E2F3: variants seen among roughly 807,000 people sequenced by gnomAD.
E2F3 encodes E2F transcription factor 3, also known as transcription factor E2F3.
A neutral mutation model predicts 44.4 loss-of-function variants in E2F3; 11 were observed. The ratio of observed to expected loss-of-function variants is 0.25; its 90% confidence interval spans 0.16 to 0.41. The LOEUF (loss-of-function observed/expected upper bound fraction) is 0.41. Among genes scored for constraint, E2F3 ranks in the 10% least tolerant of loss-of-function variants. The probability of loss-of-function intolerance (pLI) is 1.00; values close to 1 mark genes in which losing one functional copy is unlikely to be tolerated. For missense variants in E2F3, 487 were observed against 583.6 expected, an observed-to-expected ratio of 0.83 and a Z score of 1.70; for synonymous variants, 249 against 253.0, an observed-to-expected ratio of 0.98 and a Z score of 0.15.
chr6:20,464,739 G>A (rs1240677992), intron 1 of E2F3, among the ~76,000 whole-genome samples: 1 of 152,174 alleles, frequency 6.6e-6, no homozygotes, highest in Non-Finnish European at 1.5e-5. Context: ...AATGTCCATT[G>A]CATGATAAAG....
chr6:20,481,808 G>A (rs774932560), intron 3 of E2F3, among the ~76,000 whole-genome samples: 18 of 152,042 alleles, frequency 1.2e-4, no homozygotes, highest in Non-Finnish European at 2.4e-4. Flanking sequence ...ATCTGGAAAT[G>A]ATGGCTTATG....
intron 1 of E2F3, among the ~76,000 whole-genome samples, chr6:20,465,119 G>A (rs1761657647): frequency 6.6e-6 from 1 of 152,200 alleles, no homozygotes; most frequent in South Asian, 2.1e-4. Flanking sequence ...AGGAGTCCCA[G>A]GAATTATTCT....
intron 1 of E2F3, among the ~76,000 whole-genome samples, chr6:20,434,940 C>T (rs961484292): frequency 6.6e-6 from 1 of 152,216 alleles, no homozygotes; most frequent in Admixed American, 6.5e-5. Flanking sequence ...CTGCAGGCCT[C>T]AGCAGTGGAG....
At chr6:20,480,472 C>T (rs1762185938) in intron 2 of E2F3, among the ~76,000 whole-genome samples, 1 of 152,162 alleles carries the variant, frequency 6.6e-6, no homozygotes, top group Admixed American at 6.5e-5. Context: ...CAACTAGTCC[C>T]ATTATGTATG....
chr6:20,403,340 C>T (rs1759375009), intron 1 of E2F3, among the ~76,000 whole-genome samples: 1 of 151,984 alleles, frequency 6.6e-6, no homozygotes, highest in Non-Finnish European at 1.5e-5. Flanking sequence ...AGCGGCGGCG[C>T]CCGCGTGGCC....
intron 1 of E2F3, among the ~76,000 whole-genome samples, chr6:20,466,258 G>A (rs1761708006): frequency 6.6e-6 from 1 of 152,030 alleles, no homozygotes; most frequent in South Asian, 2.1e-4. Context: ...GACTACTCAT[G>A]CACACCACCA....
chr6:20,460,094 G>A (rs1406524326), intron 1 of E2F3, among the ~76,000 whole-genome samples: 1 of 152,170 alleles, frequency 6.6e-6, no homozygotes, highest in Middle Eastern at 3.2e-3. Flanking sequence ...CTTTGTCAGT[G>A]TTCATAGAGG....
rs538567059 is a variant in E2F3, at chr6:20,446,891, G to A, written c.394-32955G>A. 9.9e-4 allele frequency among the ~76,000 whole-genome samples: 150 copies of A among 152,120 alleles called. 1 individual carries two copies. Among genetic ancestry groups the A allele is most frequent in the Admixed American group, 2.4e-3 (37 of 15,270 alleles). Reference sequence around the variant, plus strand: ...CCTCTGTATTTTTGATGGGATGGATGGTTCAACATTTAAAGAGAACCTAAA... The same window carrying A: ...CCTCTGTATTTTTGATGGGATGGATAGTTCAACATTTAAAGAGAACCTAAA... On this transcript the variant is annotated intron_variant, in intron 1 of 6. Coordinates refer to ENST00000346618, the MANE Select transcript of E2F3 (RefSeq NM_001949.5).
Position 20,491,336 on chromosome 6 carries a change from C to T in E2F3, c.*906C>T. ...AAGCGGTTTTTGCAAATTCATATTA[C>T]TTAAGCAGAGGGAGAGAACCTCTAC... On this transcript the variant is annotated 3_prime_UTR_variant, in exon 7 of 7. Coordinates refer to ENST00000346618, the MANE Select transcript of E2F3 (RefSeq NM_001949.5). The T allele has an allele frequency of 4.4e-6, 1 of 228,678 alleles. No individual in the cohort carries two copies. The highest frequency in any genetic ancestry group is 6.2e-5 in the East Asian group (1 of 16,076). 14.2% of individuals were successfully genotyped at this position (228,678 alleles called of 1,614,324 possible).
Position 20,482,841 on chromosome 6 carries a change from G to A in E2F3, c.805G>A (p.Glu269Lys). The A allele has an allele frequency of 1.9e-6, 3 of 1,613,752 alleles. No individual in the cohort carries two copies. Among genetic ancestry groups the A allele is most frequent in the South Asian group, 1.1e-5 (1 of 91,060 alleles). ...AAAAGAAGTGACCGAGCTCAGTCAG[G>A]AAGAGAAGAAATTAGATGAACTGAT... ...LSKEVTELSQ[E>K]EKKLDELIQS... The change falls in exon 4 of 7, where the codon GAA becomes AAA. Residue 269 changes from glutamate to lysine, a missense_variant. Physicochemically the swap from Glu to Lys is moderately conservative, Grantham distance 56. Coordinates refer to ENST00000346618, the MANE Select transcript of E2F3 (RefSeq NM_001949.5).
chr6:20,402,671 G>C lies in E2F3; in HGVS notation c.393+46G>C. ...CGTCCCCAGCCCCGGCGGGAGGTGG[G>C]CTCGCACCGCGCGGGGTCGTGGGCG... On this transcript the variant is annotated intron_variant, in intron 1 of 6. Transcript: ENST00000346618. The surrounding 1 kb of genome is among the most constrained non-coding windows in gnomAD (Gnocchi z 5.6). 2 of 1,298,114 alleles carry C rather than the reference G, an allele frequency of 1.5e-6. No homozygotes were observed. Among genetic ancestry groups the C allele is most frequent in the Non-Finnish European group, 1.9e-6 (2 of 1,027,702 alleles). The allele number at this position is 1,298,114 out of a possible 1,614,324, so 80.4% of individuals were successfully genotyped here.
rs766295084 is a variant in E2F3 at position 20,486,791 on chromosome 6, T to A, written c.987T>A (p.Pro329=). 1 of 1,610,214 alleles carries A rather than the reference T, an allele frequency of 6.2e-7. No homozygotes were observed. The highest frequency in any genetic ancestry group is 8.5e-7 in the Non-Finnish European group (1 of 1,177,198). ...CTCCAGAAACAAGACTTGAAGTGCCTGACTCAATAGAGGTAAGGAGACAGC... is the reference window on the plus strand; with the variant it reads ...CTCCAGAAACAAGACTTGAAGTGCCAGACTCAATAGAGGTAAGGAGACAGC... ...KAPPETRLEV[P]DSIESLQIHL... is the part of the protein sequence containing the mutation. Residue 329 remains proline, a synonymous_variant, in exon 5 of 7, where the codon CCT becomes CCA. Coordinates refer to ENST00000346618, the MANE Select transcript of E2F3 (RefSeq NM_001949.5).
chr6:20,425,212 G>C (rs1041672940), intron 1 of E2F3, among the ~76,000 whole-genome samples: 2 of 152,078 alleles, frequency 1.3e-5, no homozygotes, highest in Non-Finnish European at 2.9e-5. Flanking sequence ...AGTGGGGAGA[G>C]AAATTATTTA....
At chr6:20,426,785 C>T (rs1368857710) in intron 1 of E2F3, among the ~76,000 whole-genome samples, 1 of 152,222 alleles carries the variant, frequency 6.6e-6, no homozygotes, top group Non-Finnish European at 1.5e-5. Context: ...TTAAAATAGA[C>T]TTTCACTTCT....
At chr6:20,476,819 G>T (rs1431565512) in intron 1 of E2F3, among the ~76,000 whole-genome samples, 2 of 152,176 alleles carry the variant, frequency 1.3e-5, no homozygotes, top group Admixed American at 6.5e-5. Context: ...GATAAAGAGT[G>T]AATGTTTGCT....
intron 1 of E2F3, among the ~76,000 whole-genome samples, chr6:20,406,362 A>C (rs866869742): frequency 1.3e-5 from 2 of 152,248 alleles, no homozygotes; most frequent in African/African-American, 2.4e-5. Context: ...CATGTGAACT[A>C]TTTAGCACAG....
At chr6:20,481,792 A>G (rs1762232784) in intron 3 of E2F3, among the ~76,000 whole-genome samples, 1 of 152,064 alleles carries the variant, frequency 6.6e-6, no homozygotes, top group Non-Finnish European at 1.5e-5. Context: ...CTTGTTTCTA[A>G]TAAGAATCTG....
At position 20,492,286 on chromosome 6, in the gene E2F3, G is replaced by T. The variant is rs1180901907; in HGVS notation, c.*1856G>T. 1 of 232,302 alleles carries T rather than the reference G, an allele frequency of 4.3e-6. No individual in the cohort carries two copies. The highest frequency in any genetic ancestry group is 2.2e-5 in the African/African-American group (1 of 45,234). The allele number at this position is 232,302 out of a possible 1,614,324, so 14.4% of individuals were successfully genotyped here. On this transcript the variant is annotated 3_prime_UTR_variant, in exon 7 of 7. Coordinates refer to ENST00000346618, the MANE Select transcript of E2F3 (RefSeq NM_001949.5). ...AAACTCTTTGTGTGGGTATGCGTGGGTGTATGTTTGGGAAGAAAAACAAAG... is the reference window on the plus strand; with the variant it reads ...AAACTCTTTGTGTGGGTATGCGTGGTTGTATGTTTGGGAAGAAAAACAAAG...
intron 1 of E2F3, among the ~76,000 whole-genome samples, chr6:20,407,645 T>C (rs1462862783): frequency 6.6e-6 from 1 of 152,252 alleles, no homozygotes; most frequent in Non-Finnish European, 1.5e-5. Flanking sequence ...TGCAAAGATA[T>C]ATCATCCATA....
Sources: gnomAD v4.1 joint callset for allele counts (sites outside exome capture counted in the v4.1 genomes callset) on GRCh38, gnomAD v4.1.1 for gene constraint, Gnocchi (gnomAD v3.1) non-coding constraint, MANE v1.5 for transcripts, NCBI Gene and HGNC (gene_info 2026-07-23, HGNC 2026-07-21) for gene names.